BLTP3B: variants seen among roughly 807,000 people sequenced by gnomAD.
BLTP3B encodes the protein bridge-like lipid transfer protein family member 3B, also known as UHRF1 (ICBP90) binding protein 1-like.
chr12:100,104,022 G>A, the BLTP3B span: 51 of 1,160,406 alleles, frequency 4.4e-5, no homozygotes, highest in Non-Finnish European at 2.6e-5. Context: ...AATCAATACA[G>A]GTGTTATATT....
the BLTP3B span, chr12:100,086,372 A>AGG: frequency 0.017 from 7,530 of 439,050 alleles, 236 homozygotes; most frequent in African/African-American, 0.098. Context: ...GGAAAAAAAA[A>AGG]GGGGGGGGGG....
the BLTP3B span, among the ~76,000 whole-genome samples, chr12:100,094,170 G>A: frequency 1.3e-5 from 2 of 152,164 alleles, no homozygotes; most frequent in Non-Finnish European, 2.9e-5. Flanking sequence ...GCAGGCTGAA[G>A]TGCAGGGGTG....
chr12:100,109,346 T>C, the BLTP3B span, among the ~76,000 whole-genome samples: 1 of 152,128 alleles, frequency 6.6e-6, no homozygotes, highest in Non-Finnish European at 1.5e-5. Flanking sequence ...TATGTCTTCA[T>C]AGCAGTATAA....
At chr12:100,078,969 GCT>G in the BLTP3B span, among the ~76,000 whole-genome samples, 1 of 152,164 alleles carries the variant, frequency 6.6e-6, no homozygotes, top group Non-Finnish European at 1.5e-5. Flanking sequence ...CCCTGCACAA[GCT>G]CTCTCTTTGC....
chr12:100,045,041 AG>A, the BLTP3B span, among the ~76,000 whole-genome samples: 3 of 152,206 alleles, frequency 2.0e-5, no homozygotes, highest in Non-Finnish European at 4.4e-5. Context: ...CCAACTTACA[AG>A]GGAAGTGAGG....
the BLTP3B span, among the ~76,000 whole-genome samples, chr12:100,104,710 C>T: frequency 2.0e-5 from 3 of 151,508 alleles, no homozygotes; most frequent in African/African-American, 7.3e-5. Context: ...ATACCCTGTA[C>T]TAAAAATGCC....
the BLTP3B span, among the ~76,000 whole-genome samples, chr12:100,080,720 T>C: frequency 6.6e-6 from 1 of 152,314 alleles, no homozygotes; most frequent in East Asian, 1.9e-4. Flanking sequence ...GACATTGGAC[T>C]GTGGACTTCT....
chr12:100,120,913 T>G, the BLTP3B span, among the ~76,000 whole-genome samples: 2 of 151,842 alleles, frequency 1.3e-5, no homozygotes, highest in Non-Finnish European at 2.9e-5. Context: ...TATCAAAAGG[T>G]AAACGGATAA....
At chr12:100,112,027 C>T in the BLTP3B span, among the ~76,000 whole-genome samples, 7 of 152,188 alleles carry the variant, frequency 4.6e-5, no homozygotes, top group Non-Finnish European at 7.3e-5. Flanking sequence ...CAGGTGTGAA[C>T]CACCACACCC....
the BLTP3B span, chr12:100,072,858 C>T: frequency 6.5e-7 from 1 of 1,539,128 alleles, no homozygotes; most frequent in Non-Finnish European, 8.7e-7. Context: ...GAATAAAAAC[C>T]TTTCCAAATA....
At chr12:100,037,474 C>A in the BLTP3B span, 2 of 1,442,532 alleles carry the variant, frequency 1.4e-6, no homozygotes, top group Non-Finnish European at 1.8e-6. Flanking sequence ...CGTACTAATA[C>A]TTTCTAAACT....
the BLTP3B span, among the ~76,000 whole-genome samples, chr12:100,067,981 C>A: frequency 4.1e-4 from 63 of 152,156 alleles, no homozygotes; most frequent in African/African-American, 1.3e-3. Context: ...TCATTCTTCA[C>A]AGAACTAGAA....
chr12:100,050,649 C>CA, the BLTP3B span, among the ~76,000 whole-genome samples: 1 of 151,808 alleles, frequency 6.6e-6, no homozygotes, highest in Non-Finnish European at 1.5e-5. Context: ...CCCATATCTA[C>CA]AAAAAAATTT....
chr12:100,090,882 C>T, the BLTP3B span, among the ~76,000 whole-genome samples: 481 of 152,052 alleles, frequency 3.2e-3, 1 homozygote, highest in African/African-American at 0.011. Flanking sequence ...TCTCTCTTAT[C>T]AAGATAAATA....
chr12:100,110,961 G>A, the BLTP3B span, among the ~76,000 whole-genome samples: 2 of 152,096 alleles, frequency 1.3e-5, no homozygotes, highest in African/African-American at 4.8e-5. Context: ...TGGGGATGGA[G>A]GTGAAGCATG....
chr12:100,131,127 A>G, the BLTP3B span, among the ~76,000 whole-genome samples: 8 of 151,794 alleles, frequency 5.3e-5, no homozygotes, highest in South Asian at 2.1e-4. Flanking sequence ...CCTGGGCAAC[A>G]TGGCAAAATC....
the BLTP3B span, among the ~76,000 whole-genome samples, chr12:100,115,411 A>G: frequency 6.6e-6 from 1 of 152,210 alleles, no homozygotes; most frequent in South Asian, 2.1e-4. Context: ...GTCTCAAAAA[A>G]TAAAATAGTG....
chr12:100,093,783 G>C, the BLTP3B span, among the ~76,000 whole-genome samples: 1 of 152,166 alleles, frequency 6.6e-6, no homozygotes, highest in African/African-American at 2.4e-5. Context: ...TTGGAAAATT[G>C]TAATATATCG....
the BLTP3B span, among the ~76,000 whole-genome samples, chr12:100,048,771 AGTGTGTGTGTGTGTGTGT>A: frequency 9.6e-5 from 11 of 114,980 alleles, no homozygotes; most frequent in South Asian, 8.8e-4. Flanking sequence ...AGTGAGAGTG[AGTGTGTGTGTGTGTGTGT>A]GTGTGTGTGT....
Sources: allele counts gnomAD v4.1 joint callset (sites outside exome capture counted in the v4.1 genomes callset), GRCh38; gene constraint gnomAD v4.1.1; transcripts MANE v1.5; gene names NCBI Gene and HGNC (gene_info 2026-07-23, HGNC 2026-07-21).